NKAIN2: variants seen among roughly 807,000 people sequenced by gnomAD.
NKAIN2 encodes sodium/potassium transporting ATPase interacting 2, also known as sodium/potassium-transporting ATPase subunit beta-1-interacting protein 2.
In NKAIN2, 14 loss-of-function variants were observed where a neutral mutation model predicts 32.6. The observed-to-expected ratio is 0.43, with a 90% confidence interval of 0.28 to 0.67. NKAIN2 has a LOEUF of 0.67. Among genes scored for constraint, NKAIN2 ranks in the 30% least tolerant of loss-of-function variants. NKAIN2 has a pLI of 0.17. For synonymous variants in NKAIN2, 80 were observed against 87.2 expected, an observed-to-expected ratio of 0.92 and a Z score of 0.46; for missense variants, 198 against 258.3, an observed-to-expected ratio of 0.77 and a Z score of 1.60.
Position 124,615,051 on chromosome 6 carries a change from A to G in NKAIN2, c.274-43135A>G, listed in dbSNP as rs142838609. ...ATTGTTTTAAAATTCCATTTCATTT[A>G]TCTGTTGGATTTCTGCCTTCTACTC... On this transcript the variant is annotated intron_variant, in intron 3 of 6. Transcript: ENST00000368417. Among the ~76,000 whole-genome samples the G allele has an allele frequency of 3.1e-3, 466 of 152,218 alleles. 6 individuals are homozygous for G. Among genetic ancestry groups the G allele is most frequent in the African/African-American group, 0.011 (454 of 41,530 alleles).
At chr6:124,560,374 C>A (rs1479243659) in intron 3 of NKAIN2, among the ~76,000 whole-genome samples, 1 of 152,168 alleles carries the variant, frequency 6.6e-6, no homozygotes, top group Admixed American at 6.5e-5. Flanking sequence ...GAGGCCTCCC[C>A]AGCCATGCTG....
At chr6:123,898,139 G>A (rs1175630816) in intron 1 of NKAIN2, among the ~76,000 whole-genome samples, 1 of 152,152 alleles carries the variant, frequency 6.6e-6, no homozygotes, top group African/African-American at 2.4e-5. Context: ...ATTGGATCCT[G>A]TGAGTTGGAA....
chr6:124,132,904 G>T (rs113971774), intron 1 of NKAIN2, among the ~76,000 whole-genome samples: 2 of 152,172 alleles, frequency 1.3e-5, no homozygotes, highest in East Asian at 1.9e-4. Context: ...CTAGGGGAAG[G>T]GGGAGAGCAC....
intron 1 of NKAIN2, among the ~76,000 whole-genome samples, chr6:124,110,360 A>G (rs568285105): frequency 1.3e-5 from 2 of 152,174 alleles, no homozygotes; most frequent in Non-Finnish European, 2.9e-5. Flanking sequence ...TGTGTACTTG[A>G]TTAAATGGTT....
At chr6:124,251,335 GGT>G (rs1238631420) in intron 1 of NKAIN2, among the ~76,000 whole-genome samples, 2 of 151,712 alleles carry the variant, frequency 1.3e-5, no homozygotes, top group Non-Finnish European at 2.9e-5. Flanking sequence ...CCAAAAGAAA[GGT>G]AACATGTCTG....
At chr6:124,305,062 A>C (rs927413171) in intron 2 of NKAIN2, among the ~76,000 whole-genome samples, 1 of 152,228 alleles carries the variant, frequency 6.6e-6, no homozygotes, top group Admixed American at 6.5e-5. Context: ...ATTTAAAAAA[A>C]TTAGCTACGA....
intron 3 of NKAIN2, among the ~76,000 whole-genome samples, chr6:124,622,331 C>T (rs780981147): frequency 6.6e-6 from 1 of 152,146 alleles, no homozygotes; most frequent in Non-Finnish European, 1.5e-5. Flanking sequence ...ACAGGATATG[C>T]GACAGGGGTG....
chr6:124,300,122 T>C (rs915831687), intron 2 of NKAIN2, among the ~76,000 whole-genome samples: 2 of 152,178 alleles, frequency 1.3e-5, no homozygotes, highest in Non-Finnish European at 2.9e-5. Flanking sequence ...ACATGGTTGA[T>C]CTGTGTCCCC....
chr6:124,257,351 C>T (rs956916907), intron 1 of NKAIN2, among the ~76,000 whole-genome samples: 1 of 152,164 alleles, frequency 6.6e-6, no homozygotes, highest in Non-Finnish European at 1.5e-5. Flanking sequence ...AGATTTGCTT[C>T]AGGGATCAGG....
At chr6:124,247,600 G>A (rs559038300) in intron 1 of NKAIN2, among the ~76,000 whole-genome samples, 1 of 152,214 alleles carries the variant, frequency 6.6e-6, no homozygotes, top group Admixed American at 6.6e-5. Flanking sequence ...CAGGACAATG[G>A]CTCCTCTTTG....
chr6:123,934,140 T>C (rs1776393906), intron 1 of NKAIN2, among the ~76,000 whole-genome samples: 1 of 152,210 alleles, frequency 6.6e-6, no homozygotes, highest in African/African-American at 2.4e-5. Context: ...TATGAGCTGA[T>C]ATAAAAGTCT....
At chr6:124,231,457 G>T (rs1420418139) in intron 1 of NKAIN2, among the ~76,000 whole-genome samples, 1 of 152,076 alleles carries the variant, frequency 6.6e-6, no homozygotes, top group Non-Finnish European at 1.5e-5. Flanking sequence ...AGGGACCTGG[G>T]GTGGAATTAT....
intron 1 of NKAIN2, among the ~76,000 whole-genome samples, chr6:123,818,851 T>C (rs946223475): frequency 7.9e-5 from 12 of 152,122 alleles, no homozygotes; most frequent in African/African-American, 2.7e-4. Flanking sequence ...ATAGCAGTAA[T>C]AGAGGCAAAA....
At chr6:123,886,503 A>T (rs1773720160) in intron 1 of NKAIN2, among the ~76,000 whole-genome samples, 1 of 152,130 alleles carries the variant, frequency 6.6e-6, no homozygotes, top group Non-Finnish European at 1.5e-5. Context: ...AAAATGCAGA[A>T]TGCATCAAGT....
chr6:124,485,787 A>T (rs778919316), intron 3 of NKAIN2, among the ~76,000 whole-genome samples: 6 of 152,100 alleles, frequency 3.9e-5, no homozygotes, highest in Non-Finnish European at 8.8e-5. Context: ...AGAGTAAGTC[A>T]TTTAGGTAGG....
chr6:124,386,137 A>T (rs886129994), intron 3 of NKAIN2, among the ~76,000 whole-genome samples: 19 of 152,160 alleles, frequency 1.2e-4, no homozygotes, highest in Admixed American at 1.0e-3. Flanking sequence ...TGTAAGATGG[A>T]TGCCTAATGA....
chr6:124,709,005 T>G (rs1046488734), intron 4 of NKAIN2, among the ~76,000 whole-genome samples: 1 of 143,392 alleles, frequency 7.0e-6, no homozygotes, highest in Non-Finnish European at 1.5e-5. Context: ...GATTTTGAGA[T>G]ACGTCCCGTC....
intron 1 of NKAIN2, among the ~76,000 whole-genome samples, chr6:124,182,241 C>A (rs2114547942): frequency 6.6e-6 from 1 of 152,254 alleles, no homozygotes; most frequent in East Asian, 1.9e-4. Flanking sequence ...AGTTACCTCC[C>A]ACTGAGTCTC....
chr6:124,721,357 TCGCGC>T (rs2114632439), intron 4 of NKAIN2, among the ~76,000 whole-genome samples: 1 of 140,556 alleles, frequency 7.1e-6, no homozygotes, highest in Non-Finnish European at 1.5e-5. Context: ...TGAGCGGAGA[TCGCGC>T]CACAGCACTC....
Sources: gnomAD v4.1 joint callset for allele counts (sites outside exome capture counted in the v4.1 genomes callset) on GRCh38, gnomAD v4.1.1 for gene constraint, MANE v1.5 for transcripts, NCBI Gene and HGNC (gene_info 2026-07-23, HGNC 2026-07-21) for gene names.